Variants in COL5A1 observed in about 807,000 individuals in gnomAD.
COL5A1 encodes collagen alpha-1(V) chain.
A neutral mutation model predicts 263.7 loss-of-function variants in COL5A1; 16 were observed. The observed-to-expected ratio is 0.06, with a 90% confidence interval of 0.04 to 0.09. COL5A1 has a LOEUF of 0.09. Ranked by LOEUF, COL5A1 falls within the 10% of genes least tolerant of loss-of-function variation. COL5A1 has a pLI of 1.00. For missense variants in COL5A1, 2,036 were observed against 2,540.5 expected (o/e 0.80, Z 4.27); for synonymous variants, 1,012 against 1,004.5 (o/e 1.01, Z -0.14).
At chr9:134,723,113 G>A (rs779459241) in intron 4 of COL5A1, among the ~76,000 whole-genome samples, 6 of 152,170 alleles carry the variant, frequency 3.9e-5, no homozygotes, top group Non-Finnish European at 8.8e-5. Flanking sequence ...GGAAGGAGAG[G>A]AACCTGTCAC....
chr9:134,811,486 C>T lies in COL5A1; in HGVS notation c.3583-6C>T, dbSNP rs1476471282. On this transcript the variant is annotated splice_polypyrimidine_tract_variant and splice_region_variant and intron_variant, in intron 45 of 65. Transcript: ENST00000371817. The stretch of plus-strand genomic sequence containing the variant: ...TCCTCACCCATGGCCGGTTATTTCC[C>T]TGCAGGGAGCTGACGGCGAGCCGGG... The T allele has an allele frequency of 1.2e-6, 2 of 1,613,528 alleles. No individual in the cohort carries two copies. The highest frequency in any genetic ancestry group is 1.7e-6 in the Non-Finnish European group (2 of 1,179,760).
chr9:134,743,423 G>A (rs1215557148), intron 11 of COL5A1, among the ~76,000 whole-genome samples: 1 of 152,190 alleles, frequency 6.6e-6, no homozygotes, highest in Non-Finnish European at 1.5e-5. Flanking sequence ...TCCACCTACA[G>A]CATATTTATT....
Position 134,785,100 on chromosome 9 carries a change from T to G in COL5A1, c.2592+4T>G. ...TCTGGGACCCCCTGGGGAGAAGGTT[T>G]GTGATGTGGGACGTTCAGCCACTTT... is the stretch of plus-strand genomic sequence containing the variant. On this transcript the variant is annotated splice_donor_region_variant and intron_variant, in intron 30 of 65. Coordinates refer to ENST00000371817, the MANE Select transcript of COL5A1 (RefSeq NM_000093.5). 1 of 1,609,204 alleles carries G rather than the reference T, an allele frequency of 6.2e-7. No homozygotes were observed. Among genetic ancestry groups the G allele is most frequent in the Non-Finnish European group, 8.5e-7 (1 of 1,176,310 alleles).
rs1051735744 is a variant in COL5A1, at chr9:134,696,218, G to A, written c.278-3691G>A. Among the ~76,000 whole-genome samples the A allele has an allele frequency of 2.0e-5, 3 of 152,116 alleles. No homozygotes were observed. The highest frequency in any genetic ancestry group is 4.8e-5 in the African/African-American group (2 of 41,414). ...AGACAGAGTCTCACTCTGTCGCCCAGGCTGGAGTGCAGTGGTGTAATCTTG... is the reference window on the plus strand; with the variant it reads ...AGACAGAGTCTCACTCTGTCGCCCAAGCTGGAGTGCAGTGGTGTAATCTTG... On this transcript the variant is annotated intron_variant, in intron 2 of 65. Coordinates refer to ENST00000371817, the MANE Select transcript of COL5A1 (RefSeq NM_000093.5). The surrounding 1 kb of genome is among the most constrained non-coding windows in gnomAD (Gnocchi z 4.3).
chr9:134,688,208 A>G (rs1451084324), intron 1 of COL5A1, among the ~76,000 whole-genome samples: 1 of 152,224 alleles, frequency 6.6e-6, no homozygotes, highest in African/African-American at 2.4e-5. Context: ...AGCCTGCTGG[A>G]AAACAGCTCT....
At chr9:134,771,287 A>G (rs1588530715) in intron 25 of COL5A1, among the ~76,000 whole-genome samples, 1 of 152,214 alleles carries the variant, frequency 6.6e-6, no homozygotes. Context: ...AAGGGCCACA[A>G]AGAACCCCTC....
At chr9:134,776,159 T>A (rs1837044747) in intron 27 of COL5A1, among the ~76,000 whole-genome samples, 1 of 152,174 alleles carries the variant, frequency 6.6e-6, no homozygotes, top group Admixed American at 6.5e-5. Context: ...TCCCAACGGT[T>A]GGGAGCCTTA....
Position 134,814,871 on chromosome 9 carries a change from C to A in COL5A1, c.3981C>A (p.Gly1327=). The change falls in exon 50 of 66, where the codon GGC becomes GGA. Residue 1327 remains glycine (G), a synonymous_variant. Transcript: ENST00000371817. ...SGAAGPPGPK[G]PPGDDGPKGS... The stretch of plus-strand genomic sequence containing the variant: ...CTGCCGGACCCCCTGGACCCAAAGG[C>A]CCTCCCGGAGATGATGGTCCCAAAG... 1 of 1,551,246 alleles carries A rather than the reference C, an allele frequency of 6.4e-7. No individual in the cohort carries two copies. Among genetic ancestry groups the A allele is most frequent in the Non-Finnish European group, 8.7e-7 (1 of 1,147,026 alleles).
In COL5A1 at chr9:134,758,360, C is replaced by A; in HGVS notation, c.1935+64C>A. ...GCAGCAGAGGTGTCTCTCGGGAGGCCCTTCTCCTTCCAGGCAGCCTCAGAT... is the reference window on the plus strand; with the variant it reads ...GCAGCAGAGGTGTCTCTCGGGAGGCACTTCTCCTTCCAGGCAGCCTCAGAT... On this transcript the variant is annotated intron_variant, in intron 18 of 65. Transcript: ENST00000371817. This position sits in a 1 kb window ranked among gnomAD's most constrained non-coding sequence, Gnocchi z 4.1. The A allele has an allele frequency of 6.6e-7, 1 of 1,526,076 alleles. No individual in the cohort carries two copies. The highest frequency in any genetic ancestry group is 1.1e-5 in the South Asian group (1 of 89,250). 94.5% of individuals were successfully genotyped at this position (1,526,076 alleles called of 1,614,324 possible).
chr9:134,813,291 A>C (rs1838611353), intron 48 of COL5A1, among the ~76,000 whole-genome samples: 1 of 152,074 alleles, frequency 6.6e-6, no homozygotes, highest in Non-Finnish European at 1.5e-5. Flanking sequence ...GCCTGACTGC[A>C]AAAGCACCTC....
chr9:134,731,108 C>T (rs1304067621), intron 7 of COL5A1, among the ~76,000 whole-genome samples: 1 of 152,224 alleles, frequency 6.6e-6, no homozygotes, highest in East Asian at 1.9e-4. Flanking sequence ...TTAACATAGC[C>T]ACTGTGTGAT....
At chr9:134,751,612 TGGCTCC>T (rs1465861252) in intron 13 of COL5A1, among the ~76,000 whole-genome samples, 1 of 121,232 alleles carries the variant, frequency 8.2e-6, no homozygotes, top group East Asian at 2.9e-4. Flanking sequence ...TCTGTAGACT[TGGCTCC>T]GGATTGCTGA....
At chr9:134,674,513 A>AGT (rs146232546) in intron 1 of COL5A1, among the ~76,000 whole-genome samples, 16,859 of 151,934 alleles carry the variant, frequency 0.11, 1,198 homozygotes, top group Admixed American at 0.17. Flanking sequence ...GTATCTTGAT[A>AGT]GTGTGTGTGT....
chr9:134,732,134 A>G lies in COL5A1; in HGVS notation c.1389+7A>G. 1 of 1,614,194 alleles carries G rather than the reference A, an allele frequency of 6.2e-7. No individual in the cohort carries two copies. Among genetic ancestry groups the G allele is most frequent in the Non-Finnish European group, 8.5e-7 (1 of 1,180,020 alleles). The stretch of plus-strand genomic sequence containing the variant: ...ACCAGCGATTATCGAGCCGGTGAGG[A>G]CATTTTCTCATTCCCTCCCTGCGCC... On this transcript the variant is annotated splice_region_variant and intron_variant, in intron 9 of 65. Transcript: ENST00000371817.
rs769596520 is a variant in COL5A1 at position 134,680,792 on chromosome 9, G to A, written c.110-10120G>A. 6.6e-6 allele frequency among the ~76,000 whole-genome samples: 1 copy of A among 152,224 alleles called. No individual in the cohort carries two copies. The highest frequency in any genetic ancestry group is 2.4e-5 in the African/African-American group (1 of 41,452). ...AGGGGCAGAAGGACGGGTGAGGGCCGGGACTTTGACATCAGGCAGAGGAGT... is the reference window on the plus strand; with the variant it reads ...AGGGGCAGAAGGACGGGTGAGGGCCAGGACTTTGACATCAGGCAGAGGAGT... On this transcript the variant is annotated intron_variant, in intron 1 of 65. Transcript: ENST00000371817. The surrounding 1 kb of genome is among the most constrained non-coding windows in gnomAD (Gnocchi z 5.9).
At position 134,765,073 on chromosome 9, in the gene COL5A1, G is replaced by T. The variant is rs1330849595; in HGVS notation, c.2035-608G>T. On this transcript the variant is annotated intron_variant, in intron 20 of 65. Transcript: ENST00000371817. The surrounding 1 kb of genome is among the most constrained non-coding windows in gnomAD (Gnocchi z 5.1). ...TCACTCCACCTGCGGTAAAGGGGAGGTTCTGCACGAGCCTCGCCGACCGGA... is the reference window on the plus strand; with the variant it reads ...TCACTCCACCTGCGGTAAAGGGGAGTTTCTGCACGAGCCTCGCCGACCGGA... 6.6e-6 allele frequency among the ~76,000 whole-genome samples: 1 copy of T among 152,060 alleles called. No homozygotes were observed. The highest frequency in any genetic ancestry group is 1.5e-5 in the Non-Finnish European group (1 of 67,988).
intron 50 of COL5A1, among the ~76,000 whole-genome samples, chr9:134,815,233 C>T (rs890303677): frequency 2.6e-5 from 4 of 152,178 alleles, no homozygotes; most frequent in African/African-American, 7.2e-5. Context: ...GGAGGGGCTT[C>T]GGAGAGGCAC....
chr9:134,792,839 A>G (rs180817643), intron 32 of COL5A1, among the ~76,000 whole-genome samples: 156 of 59,566 alleles, frequency 2.6e-3, no homozygotes, highest in African/African-American at 9.8e-3. Flanking sequence ...ATGCATGTGT[A>G]TGTGTGTGTG....
chr9:134,657,869 G>T (rs66474130), intron 1 of COL5A1, among the ~76,000 whole-genome samples: 67,814 of 151,666 alleles, frequency 0.45, 16,329 homozygotes, highest in African/African-American at 0.62. Context: ...GGGGCCGTTT[G>T]GCAGATGAAT....
Sources: gnomAD v4.1 joint callset for allele counts (sites outside exome capture counted in the v4.1 genomes callset) on GRCh38, gnomAD v4.1.1 for gene constraint, Gnocchi (gnomAD v3.1) non-coding constraint, MANE v1.5 for transcripts, NCBI Gene and HGNC (gene_info 2026-07-23, HGNC 2026-07-21) for gene names.